CCDC88C: variants seen among roughly 807,000 people sequenced by gnomAD.
CCDC88C encodes the protein coiled-coil and HOOK domain protein 88C.
In CCDC88C, 131 loss-of-function variants were observed where a neutral mutation model predicts 198.8. The observed-to-expected ratio is 0.66, with a 90% CI of 0.57 to 0.76. The LOEUF (loss-of-function observed/expected upper bound fraction) is 0.76. CCDC88C is among the 30% of genes least tolerant of loss of function. The pLI is 0.00. For missense variants in CCDC88C, 2,553 were observed against 2,631.6 expected (o/e 0.97, Z 0.65); for synonymous variants, 1,166 against 1,114.7 (o/e 1.05, Z -0.92).
rs760682799 is a variant in CCDC88C, at chr14:91,339,906, T to C, written c.602A>G (p.Asp201Gly). 1.3e-6 allele frequency: 2 copies of C among 1,590,948 alleles called. No homozygotes were observed. The highest frequency in any genetic ancestry group is 3.5e-5 in the Admixed American group (2 of 57,412). Residue 201 changes from aspartate to glycine, a missense_variant, in exon 7 of 30, where the codon GAC becomes GGC. Physicochemically the swap from Asp to Gly is moderately conservative, Grantham distance 94. This residue lies in a region of CCDC88C where 1,260 missense variants were observed against 1,412.0 expected (regional missense o/e 0.89). Transcript: ENST00000389857. This position sits in a 1 kb window ranked among gnomAD's most constrained non-coding sequence, Gnocchi z 5.8. ...SMVLHLRRLI[D>G]QRDECTELIV... ...CACCTCGGTGCACTCGTCCCGCTGGTCGATGAGCCTCCGCAGGTGGAGCAC... is the reference window on the plus strand; with the variant it reads ...CACCTCGGTGCACTCGTCCCGCTGGCCGATGAGCCTCCGCAGGTGGAGCAC...
chr14:91,322,444 C>G (rs1398602380), intron 12 of CCDC88C, among the ~76,000 whole-genome samples: 1 of 152,034 alleles, frequency 6.6e-6, no homozygotes, highest in Non-Finnish European at 1.5e-5. Context: ...TGTACCTGGC[C>G]CCAGCCCAGC....
intron 20 of CCDC88C, 114 bp downstream of exon 20, chr14:91,303,587 C>G (rs1228246509): frequency 1.0e-5 from 12 of 1,149,838 alleles, no homozygotes; most frequent in African/African-American, 1.6e-5. Context: ...TCCCCAGGCC[C>G]TGCCTCTCCC....
chr14:91,289,181 G>A lies in CCDC88C; in HGVS notation c.4365C>T (p.Ala1455=), dbSNP rs780519044. The part of the protein sequence containing the change: ...PAASQPLRSQ[A]ENPDTPALGS... Reference sequence around the variant, plus strand: ...CCAGTGCGGGGGTGTCGGGGTTCTCGGCCTGTGATCTGAGCGGCTGAGAGG... The same window carrying A: ...CCAGTGCGGGGGTGTCGGGGTTCTCAGCCTGTGATCTGAGCGGCTGAGAGG... The change falls in exon 25 of 30, where the codon GCC becomes GCT. Residue 1455 remains alanine, a synonymous_variant. Coordinates refer to ENST00000389857, the MANE Select transcript of CCDC88C (RefSeq NM_001080414.4). The A allele has an allele frequency of 1.4e-5, 22 of 1,613,776 alleles. 1 individual carries two copies. In the Admixed American group the frequency reaches 2.2e-4, roughly 16 times the overall value.
chr14:91,326,124 A>AT, intron 10 of CCDC88C, 68 bp from the exon 11 acceptor site: 1 of 1,450,472 alleles, frequency 6.9e-7, no homozygotes, highest in Non-Finnish European at 9.4e-7. Context: ...TGGAATTCTA[A>AT]AACCAAAACT....
At chr14:91,409,318 A>G (rs1479313896) in intron 2 of CCDC88C, among the ~76,000 whole-genome samples, 1 of 151,808 alleles carries the variant, frequency 6.6e-6, no homozygotes, top group Admixed American at 6.6e-5. Context: ...CCTCCCAGGC[A>G]GCTAGGACTA....
In CCDC88C at chr14:91,289,332, C is replaced by T; in HGVS notation, c.4214G>A (p.Trp1405Ter). The T allele has an allele frequency of 6.2e-7, 1 of 1,613,954 alleles. No homozygotes were observed. ...YDPPPKKKNH[W>*]IGAKALVKLI... The stretch of plus-strand genomic sequence containing the variant: ...TTTGACTAAGGCTTTGGCTCCAATC[C>T]AGTGGTTCTTCCTGGTTAGAAGTAG... Residue 1405 changes from tryptophan (W) to a stop codon, truncating the protein, a stop_gained, in exon 25 of 30, where the codon TGG becomes TAG. Transcript: ENST00000389857. LOFTEE classifies it high-confidence loss of function.
rs1884816740 is a variant in CCDC88C at position 91,381,905 on chromosome 14, C to A, written c.271-22194G>T. 6.6e-6 allele frequency among the ~76,000 whole-genome samples: 1 copy of A among 152,148 alleles called. No homozygotes were observed. The highest frequency in any genetic ancestry group is 1.5e-5 in the Non-Finnish European group (1 of 68,012). On this transcript the variant is annotated intron_variant, in intron 3 of 29. Transcript: ENST00000389857. This position sits in a 1 kb window ranked among gnomAD's most constrained non-coding sequence, Gnocchi z 4.2. ...TCTCCAGTCCGAGCCCACCTCCCTG[C>A]CTCCTTCTTGATGCCTTCCACGGTG...
intron 3 of CCDC88C, among the ~76,000 whole-genome samples, chr14:91,370,019 G>A (rs1439671999): frequency 6.6e-6 from 1 of 152,204 alleles, no homozygotes; most frequent in Non-Finnish European, 1.5e-5. Context: ...TCGGTTCTTT[G>A]TTCACAGAAA....
chr14:91,406,143 C>A (rs1284181539), intron 3 of CCDC88C, among the ~76,000 whole-genome samples: 3 of 152,228 alleles, frequency 2.0e-5, no homozygotes, highest in Non-Finnish European at 2.9e-5. Context: ...GAACAGCAAA[C>A]TGCTTCTCAA....
At chr14:91,337,804 T>C (rs970773842) in intron 10 of CCDC88C, among the ~76,000 whole-genome samples, 1 of 152,180 alleles carries the variant, frequency 6.6e-6, no homozygotes, top group African/African-American at 2.4e-5. Context: ...TTACACTCCT[T>C]ACCCTCCCCT....
chr14:91,409,528 C>T lies in CCDC88C; in HGVS notation c.162-761G>A, dbSNP rs191434449. ...TTTGAGACGGAGTCTTGCTCTTTTG[C>T]CCAGACTGGAGGGCAGTGGCACGAT... On this transcript the variant is annotated intron_variant, in intron 2 of 29. Coordinates refer to ENST00000389857, the MANE Select transcript of CCDC88C (RefSeq NM_001080414.4). 2.0e-3 allele frequency among the ~76,000 whole-genome samples: 301 copies of T among 147,810 alleles called. 2 individuals carry two copies. Among genetic ancestry groups the T allele is most frequent in the Middle Eastern group, 0.014 (4 of 276 alleles).
intron 3 of CCDC88C, among the ~76,000 whole-genome samples, chr14:91,375,217 T>C (rs1222330716): frequency 6.6e-6 from 1 of 152,118 alleles, no homozygotes. Flanking sequence ...CCAAATGAGC[T>C]AATGAAGGGC....
At chr14:91,321,924 C>T (rs901833800) in intron 12 of CCDC88C, among the ~76,000 whole-genome samples, 2 of 152,130 alleles carry the variant, frequency 1.3e-5, no homozygotes, top group Non-Finnish European at 2.9e-5. Flanking sequence ...TAGTAAAAGG[C>T]AGACTATCTA....
intron 14 of CCDC88C, among the ~76,000 whole-genome samples, chr14:91,314,542 C>A (rs1352944556): frequency 6.6e-6 from 1 of 152,214 alleles, no homozygotes; most frequent in Non-Finnish European, 1.5e-5. Flanking sequence ...CATGCTGATC[C>A]CTCTGCCTGG....
At position 91,380,788 on chromosome 14, in the gene CCDC88C, T is replaced by C. The variant is rs1314985504; in HGVS notation, c.271-21077A>G. Among the ~76,000 whole-genome samples the C allele has an allele frequency of 2.6e-5, 4 of 151,862 alleles. No individual in the cohort carries two copies. In the East Asian group the frequency reaches 5.8e-4, roughly 22 times the overall value. On this transcript the variant is annotated intron_variant, in intron 3 of 29. Transcript: ENST00000389857. ...CAGAGGGAAGGGGCGGGGGAGACCATGGAGAGAGAACTGTGTTGGTGGAAG... is the reference window on the plus strand; with the variant it reads ...CAGAGGGAAGGGGCGGGGGAGACCACGGAGAGAGAACTGTGTTGGTGGAAG...
At position 91,304,211 on chromosome 14, in the gene CCDC88C, T is replaced by C. The variant is rs537108962; in HGVS notation, c.3358-233A>G. Among the ~76,000 whole-genome samples the C allele has an allele frequency of 4.6e-5, 7 of 152,248 alleles. No individual in the cohort carries two copies. In the East Asian group the frequency reaches 7.7e-4, roughly 17 times the overall value. On this transcript the variant is annotated intron_variant, in intron 19 of 29. Transcript: ENST00000389857. ...TCAGTCCTGAGCCACTCGCCACAAA[T>C]GTGAGCTGCTGGGGCAGATGATGTC...
chr14:91,280,482 C>T (rs1890152605), intron 27 of CCDC88C, among the ~76,000 whole-genome samples: 1 of 152,188 alleles, frequency 6.6e-6, no homozygotes, highest in Non-Finnish European at 1.5e-5. Flanking sequence ...AACAAATGCA[C>T]ATCTCTCTTA....
intron 3 of CCDC88C, among the ~76,000 whole-genome samples, chr14:91,374,215 C>T (rs1407789600): frequency 6.6e-6 from 1 of 152,200 alleles, no homozygotes; most frequent in African/African-American, 2.4e-5. Context: ...CACTTTATTT[C>T]GAACAGCAAT....
chr14:91,272,668 C>A lies in CCDC88C; in HGVS notation c.6044G>T (p.Gly2015Val). The A allele has an allele frequency of 6.2e-7, 1 of 1,611,668 alleles. No individual in the cohort carries two copies. The highest frequency in any genetic ancestry group is 8.5e-7 in the Non-Finnish European group (1 of 1,179,866). ...ATACCACACGGTCTGCGGATCCCCG[C>A]CGGGCTCCGGGGAGGCCGGACTGCT... Reference protein sequence around the residue: ...SKSSPASPEPGGDPQTVWYEY... With the variant: ...SKSSPASPEPVGDPQTVWYEY... The change falls in exon 30 of 30, where the codon GGC becomes GTC. Residue 2015 changes from glycine (G) to valine (V), a missense_variant. Gly to Val is a moderately radical substitution (Grantham distance 109). This residue lies in a region of CCDC88C where 1,293 missense variants were observed against 1,219.6 expected (regional missense o/e 1.06). Coordinates refer to ENST00000389857, the MANE Select transcript of CCDC88C (RefSeq NM_001080414.4).
Sources: allele counts gnomAD v4.1 joint callset (sites outside exome capture counted in the v4.1 genomes callset), GRCh38; gene constraint gnomAD v4.1.1; regional missense constraint gnomAD v4.1.1; non-coding constraint Gnocchi (gnomAD v3.1); transcripts MANE v1.5; gene names NCBI Gene and HGNC (gene_info 2026-07-23, HGNC 2026-07-21).